LMX1A: variants seen among roughly 807,000 people sequenced by gnomAD.
LMX1A encodes the protein LIM homeobox transcription factor 1-alpha.
Under a neutral mutation model 49.1 loss-of-function variants are expected in LMX1A, and 15 were observed. That is an observed-to-expected ratio of 0.31 (90% CI 0.20 to 0.47). The LOEUF is 0.47. Among genes scored for constraint, LMX1A ranks in the 20% least tolerant of loss-of-function variants. The probability of loss-of-function intolerance (pLI) is 1.00; values close to 1 mark genes in which losing one functional copy is unlikely to be tolerated. For synonymous variants in LMX1A, 167 were observed against 185.7 expected, an observed-to-expected ratio of 0.90 and a Z score of 0.82; for missense variants, 372 against 475.8, an observed-to-expected ratio of 0.78 and a Z score of 2.03.
In LMX1A at chr1:165,355,028, C is replaced by T. The variant is rs1432303494; in HGVS notation, c.76+456G>A. ...CCTACTGGCCCAGAAAAGTCTCTCT[C>T]GGCCTTGCCCATGGCTGAAATTGGG... On this transcript the variant is annotated intron_variant, in intron 2 of 8. Coordinates refer to ENST00000342310, the MANE Select transcript of LMX1A (RefSeq NM_177398.4). The surrounding 1 kb of genome is among the most constrained non-coding windows in gnomAD (Gnocchi z 4.7). Among the ~76,000 whole-genome samples the T allele has an allele frequency of 6.6e-6, 1 of 152,138 alleles. No homozygotes were observed. Among genetic ancestry groups the T allele is most frequent in the African/African-American group, 2.4e-5 (1 of 41,436 alleles).
chr1:165,258,465 T>C (rs959505421), intron 3 of LMX1A, among the ~76,000 whole-genome samples: 1 of 152,046 alleles, frequency 6.6e-6, no homozygotes, highest in African/African-American at 2.4e-5. Flanking sequence ...AGTGGCAGGA[T>C]CTTCTATAGG....
At chr1:165,339,667 C>T (rs1656011147) in intron 3 of LMX1A, among the ~76,000 whole-genome samples, 1 of 152,190 alleles carries the variant, frequency 6.6e-6, no homozygotes, top group Non-Finnish European at 1.5e-5. Context: ...AAAGCAGACC[C>T]ACCTCTGCCA....
intron 3 of LMX1A, among the ~76,000 whole-genome samples, chr1:165,283,028 C>T (rs911865344): frequency 6.6e-6 from 1 of 152,240 alleles, no homozygotes; most frequent in African/African-American, 2.4e-5. Context: ...CTCTTTCATT[C>T]AGCTCCAGCG....
chr1:165,283,279 G>A (rs1178119010), intron 3 of LMX1A, among the ~76,000 whole-genome samples: 1 of 152,216 alleles, frequency 6.6e-6, no homozygotes, highest in Non-Finnish European at 1.5e-5. Context: ...CTACCACACA[G>A]CCTAAATGTG....
intron 3 of LMX1A, among the ~76,000 whole-genome samples, chr1:165,281,767 T>C (rs553608771): frequency 6.6e-6 from 1 of 151,150 alleles, no homozygotes; most frequent in South Asian, 2.1e-4. Context: ...TGTGTGTGTG[T>C]GTGTGTGTGA....
In LMX1A at chr1:165,313,620, T is replaced by C. The variant is rs189594094; in HGVS notation, c.263+39456A>G. ...CCAGGCTGGAAACTTCAGGGAGCTA[T>C]TGCCAGCCCTAGGCCTGAAGGGAGC... On this transcript the variant is annotated intron_variant, in intron 3 of 8. Coordinates refer to ENST00000342310, the MANE Select transcript of LMX1A (RefSeq NM_177398.4). Among the ~76,000 whole-genome samples the C allele has an allele frequency of 4.7e-3, 713 of 152,122 alleles. 5 individuals are homozygous for C. The highest frequency in any genetic ancestry group is 8.0e-3 in the Non-Finnish European group (546 of 68,002).
At chr1:165,245,928 A>G (rs1652836156) in intron 4 of LMX1A, among the ~76,000 whole-genome samples, 3 of 151,852 alleles carry the variant, frequency 2.0e-5, no homozygotes, top group South Asian at 4.2e-4. Context: ...TAAACCAAAT[A>G]AACCTGCCTT....
rs572324653 is a variant in LMX1A at position 165,258,392 on chromosome 1, A to C, written c.264-8752T>G. ...CTCTGTCCTTGAGGCTGAGCCAACA[A>C]CACCACAATAAGCAACTGAGCACAT... On this transcript the variant is annotated intron_variant, in intron 3 of 8. Coordinates refer to ENST00000342310, the MANE Select transcript of LMX1A (RefSeq NM_177398.4). Among the ~76,000 whole-genome samples, 6 of 152,308 alleles carry C rather than the reference A, an allele frequency of 3.9e-5. No individual in the cohort carries two copies. In the South Asian group the frequency reaches 8.3e-4, roughly 21 times the overall value.
At chr1:165,314,093 T>C (rs1312798540) in intron 3 of LMX1A, among the ~76,000 whole-genome samples, 11 of 152,186 alleles carry the variant, frequency 7.2e-5, no homozygotes, top group African/African-American at 2.4e-4. Context: ...GCCAGCTCCC[T>C]AAGCCAGGCA....
chr1:165,355,384 T>C lies in LMX1A; in HGVS notation c.76+100A>G. 1.8e-6 allele frequency: 2 copies of C among 1,132,910 alleles called. No individual in the cohort carries two copies. Among genetic ancestry groups the C allele is most frequent in the East Asian group, 2.5e-5 (1 of 40,018 alleles). 70.2% of individuals were successfully genotyped at this position (1,132,910 alleles called of 1,614,324 possible). ...CAATTTAGTGTATGAAGAGGGGCGC[T>C]AGCTTCCCTATCGCGGACCAGGTCC... On this transcript the variant is annotated intron_variant, in intron 2 of 8. Coordinates refer to ENST00000342310, the MANE Select transcript of LMX1A (RefSeq NM_177398.4). This position sits in a 1 kb window ranked among gnomAD's most constrained non-coding sequence, Gnocchi z 4.7.
At chr1:165,312,259 A>G (rs111305044) in intron 3 of LMX1A, among the ~76,000 whole-genome samples, 74 of 152,340 alleles carry the variant, frequency 4.9e-4, no homozygotes, top group Middle Eastern at 3.4e-3. Context: ...ATGGTATGAT[A>G]GGCACAGTAC....
At chr1:165,318,009 A>G (rs1655273588) in intron 3 of LMX1A, among the ~76,000 whole-genome samples, 1 of 152,236 alleles carries the variant, frequency 6.6e-6, no homozygotes, top group Non-Finnish European at 1.5e-5. Flanking sequence ...GAAAAGCACT[A>G]AATCATTTCG....
intron 3 of LMX1A, among the ~76,000 whole-genome samples, chr1:165,322,272 C>T (rs1655408959): frequency 6.6e-6 from 1 of 152,078 alleles, no homozygotes; most frequent in Non-Finnish European, 1.5e-5. Context: ...TTGACAGTTC[C>T]TCAAAAACTT....
At chr1:165,263,275 T>A (rs1653503990) in intron 3 of LMX1A, among the ~76,000 whole-genome samples, 1 of 152,188 alleles carries the variant, frequency 6.6e-6, no homozygotes, top group Non-Finnish European at 1.5e-5. Flanking sequence ...TCACTTGGAT[T>A]TCTAATCACA....
At chr1:165,210,931 T>C (rs1651358384) in intron 5 of LMX1A, 155 bp from the exon 6 acceptor site, 2 of 434,078 alleles carry the variant, frequency 4.6e-6, no homozygotes, top group Admixed American at 4.1e-5. Context: ...CACGAGAACA[T>C]TGCTTCCCTT....
chr1:165,272,017 T>A (rs907747917), intron 3 of LMX1A, among the ~76,000 whole-genome samples: 2 of 152,136 alleles, frequency 1.3e-5, no homozygotes, highest in Non-Finnish European at 2.9e-5. Flanking sequence ...TAATATATAT[T>A]TTTTTAAGTT....
At chr1:165,352,690 G>T (rs73019189) in intron 3 of LMX1A, among the ~76,000 whole-genome samples, 3,541 of 152,332 alleles carry the variant, frequency 0.023, 133 homozygotes, top group African/African-American at 0.081. Flanking sequence ...AAGGAGACAC[G>T]GGGTCACTGG....
intron 3 of LMX1A, among the ~76,000 whole-genome samples, chr1:165,260,384 A>C (rs1341959467): frequency 6.6e-6 from 1 of 151,970 alleles, no homozygotes; most frequent in Admixed American, 6.6e-5. Flanking sequence ...GATAACAGGA[A>C]GGACAAGGGT....
intron 3 of LMX1A, among the ~76,000 whole-genome samples, chr1:165,302,516 TG>T (rs1654811946): frequency 6.6e-6 from 1 of 152,092 alleles, no homozygotes; most frequent in Admixed American, 6.5e-5. Context: ...GAGATGTGGC[TG>T]GTGATGCTGA....
Sources: allele counts gnomAD v4.1 joint callset (sites outside exome capture counted in the v4.1 genomes callset), GRCh38; gene constraint gnomAD v4.1.1; non-coding constraint Gnocchi (gnomAD v3.1); transcripts MANE v1.5; gene names NCBI Gene and HGNC (gene_info 2026-07-23, HGNC 2026-07-21).